THAP6: variants seen among roughly 807,000 people sequenced by gnomAD.
THAP6 encodes the protein THAP domain-containing protein 6.
THAP6 carries 13 observed loss-of-function variants against 20.0 expected under a neutral mutation model. That is an observed-to-expected ratio of 0.65 (90% CI 0.42 to 1.03). THAP6 has a LOEUF of 1.03. Ranked by LOEUF, THAP6 falls within the 50% of genes least tolerant of loss-of-function variation. The pLI, the probability that THAP6 is intolerant of heterozygous loss-of-function variation, is 0.00. For missense variants in THAP6, 262 were observed against 261.6 expected, an observed-to-expected ratio of 1.00 and a Z score of -0.01; for synonymous variants, 93 against 92.2, an observed-to-expected ratio of 1.01 and a Z score of -0.05.
At chr4:75,540,798 T>C (rs1224283418) in intron 2 of THAP6, among the ~76,000 whole-genome samples, 1 of 152,186 alleles carries the variant, frequency 6.6e-6, no homozygotes, top group Non-Finnish European at 1.5e-5. Context: ...TTTATAACGG[T>C]ATAAAATGTT....
chr4:75,538,418 T>C (rs1355741780), intron 2 of THAP6, among the ~76,000 whole-genome samples: 5 of 151,464 alleles, frequency 3.3e-5, no homozygotes, highest in East Asian at 1.9e-4. Flanking sequence ...AAGAATGTCA[T>C]TGGAGTGGGC....
intron 4 of THAP6, among the ~76,000 whole-genome samples, chr4:75,524,251 A>G (rs1726225432): frequency 6.6e-6 from 1 of 152,158 alleles, no homozygotes; most frequent in Non-Finnish European, 1.5e-5. Context: ...TCTTTGTGCT[A>G]TTGCTGTCAT....
At chr4:75,543,569 T>C (rs1727060719) in intron 3 of THAP6, among the ~76,000 whole-genome samples, 2 of 152,214 alleles carry the variant, frequency 1.3e-5, no homozygotes, top group Non-Finnish European at 2.9e-5. Context: ...TTGAGTCAAA[T>C]ACTCAACCCT....
chr4:75,531,357 G>A (rs1726674788), downstream of THAP6, among the ~76,000 whole-genome samples: 1 of 152,210 alleles, frequency 6.6e-6, no homozygotes, highest in South Asian at 2.1e-4. Context: ...TTACACTGAG[G>A]AAGGACTCAG....
At chr4:75,516,292 C>T (rs1044076226) in intron 2 of THAP6, among the ~76,000 whole-genome samples, 1 of 152,210 alleles carries the variant, frequency 6.6e-6, no homozygotes, top group Non-Finnish European at 1.5e-5. Flanking sequence ...CAGCTATTCT[C>T]TGCATTCATT....
rs1316178854 is a variant in THAP6 at position 75,514,499 on chromosome 4, G to C, written c.-42G>C. 5.7e-6 allele frequency: 3 copies of C among 530,776 alleles called. No individual in the cohort carries two copies. The highest frequency in any genetic ancestry group is 1.0e-5 in the Non-Finnish European group (3 of 295,874). The allele number at this position is 530,776 out of a possible 1,614,324, so 32.9% of individuals were successfully genotyped here. A position where few individuals can be genotyped will look rare whatever the true frequency, so the allele number is the denominator to read the frequency against. On this transcript the variant is annotated 5_prime_UTR_variant, in exon 1 of 5. Coordinates refer to ENST00000311638, the MANE Select transcript of THAP6 (RefSeq NM_144721.6). Reference sequence around the variant, plus strand: ...GACGCAGTCTCCGTCGTTGACGTTAGTCGCAGTCTTCGCTGCTAACGGTAA... The same window carrying C: ...GACGCAGTCTCCGTCGTTGACGTTACTCGCAGTCTTCGCTGCTAACGGTAA...
At chr4:75,516,020 ATGAAGGAGTAAG>A (rs1404392701) in intron 2 of THAP6, among the ~76,000 whole-genome samples, 1 of 152,254 alleles carries the variant, frequency 6.6e-6, no homozygotes, top group East Asian at 1.9e-4. Context: ...CTTGACAGCC[ATGAAGGAGTAAG>A]TGAAGGAGTA....
Position 75,528,217 on chromosome 4 carries a change from G to C in THAP6, c.*1003G>C. The C allele has an allele frequency of 6.1e-6, 6 of 985,374 alleles. No individual in the cohort carries two copies. The South Asian group carries it at 2.8e-4, about 46-fold the overall frequency. 61.0% of individuals were successfully genotyped at this position (985,374 alleles called of 1,614,324 possible). ...CAAAGGCTTTTATTTAGAGAAACGG[G>C]TAATTAAAACAGCAGCTTTAGAATA... On this transcript the variant is annotated 3_prime_UTR_variant, in exon 5 of 5. Coordinates refer to ENST00000311638, the MANE Select transcript of THAP6 (RefSeq NM_144721.6).
intron 2 of THAP6, chr4:75,539,829 C>T (rs961779782): frequency 6.5e-7 from 1 of 1,535,674 alleles, no homozygotes; most frequent in African/African-American, 1.4e-5. Context: ...TACTGTTTTT[C>T]TTTCTTCTTT....
chr4:75,515,375 A>G, intron 1 of THAP6, 58 bp from the exon 2 acceptor site: 4 of 1,494,214 alleles, frequency 2.7e-6, no homozygotes, highest in Non-Finnish European at 3.7e-6. Context: ...CGGGAAAGGG[A>G]AAATATTCCC....
chr4:75,535,203 A>G (rs950759172), intron 2 of THAP6, among the ~76,000 whole-genome samples: 3 of 152,248 alleles, frequency 2.0e-5, no homozygotes, highest in Non-Finnish European at 4.4e-5. Context: ...TGGTTCATTC[A>G]TCTCCAACTG....
Position 75,522,252 on chromosome 4 carries a change from C to T in THAP6, c.414+391C>T, listed in dbSNP as rs532880504. On this transcript the variant is annotated intron_variant, in intron 4 of 4. Transcript: ENST00000311638. Reference sequence around the variant, plus strand: ...ATTGCTTATTCATGTTAGAGGCAGGCATGGAATCTAGATCTCTTTTACTAT... The same window carrying T: ...ATTGCTTATTCATGTTAGAGGCAGGTATGGAATCTAGATCTCTTTTACTAT... The T allele has an allele frequency of 1.6e-5, 3 of 192,388 alleles. No individual in the cohort carries two copies. In the East Asian group the frequency reaches 3.6e-4, roughly 23 times the overall value. The allele number at this position is 192,388 out of a possible 1,614,324, so 11.9% of individuals were successfully genotyped here.
chr4:75,521,760 A>C lies in THAP6; in HGVS notation c.313A>C (p.Arg105=), dbSNP rs1328760026. Residue 105 remains arginine, a synonymous_variant, in exon 4 of 5, where the codon AGA becomes CGA. Coordinates refer to ENST00000311638, the MANE Select transcript of THAP6 (RefSeq NM_144721.6). ...LQGKREKLHC[R]KNFTLKTVPA... ...GGGGAAAAGAGAAAAACTTCATTGT[A>C]GAAAAAACTTCACCCTCAAAACCGT... is the stretch of plus-strand genomic sequence containing the variant. 1 of 1,612,396 alleles carries C rather than the reference A, an allele frequency of 6.2e-7. No homozygotes were observed. Among genetic ancestry groups the C allele is most frequent in the Non-Finnish European group, 8.5e-7 (1 of 1,179,024 alleles).
At chr4:75,514,432 C>T (rs943576341), upstream of THAP6, 1 of 894,498 alleles carries the variant, frequency 1.1e-6, no homozygotes, top group Non-Finnish European at 1.6e-6. Context: ...CCGGGGCAGA[C>T]GGATTTCCGG....
chr4:75,531,241 C>T (rs1726671193), downstream of THAP6, among the ~76,000 whole-genome samples: 1 of 152,162 alleles, frequency 6.6e-6, no homozygotes, highest in Non-Finnish European at 1.5e-5. Context: ...GCTGTATGAC[C>T]AGCCCCAAAT....
At chr4:75,532,737 T>G (rs1578278210), downstream of THAP6, among the ~76,000 whole-genome samples, 1 of 152,342 alleles carries the variant, frequency 6.6e-6, no homozygotes, top group Non-Finnish European at 1.5e-5. Flanking sequence ...CAACATCATA[T>G]GGAAGCTGCC....
In THAP6 at chr4:75,527,720, T is replaced by G. The variant is rs1411133066; in HGVS notation, c.*506T>G. ...CTATCAGTAGTACCAAAGGATCTTT[T>G]TACAAGGCTTCCTGTGGTATTGACT... On this transcript the variant is annotated 3_prime_UTR_variant, in exon 5 of 5. Coordinates refer to ENST00000311638, the MANE Select transcript of THAP6 (RefSeq NM_144721.6). The G allele has an allele frequency of 1.0e-6, 1 of 989,382 alleles. No homozygotes were observed. The highest frequency in any genetic ancestry group is 1.2e-6 in the Non-Finnish European group (1 of 832,374). The allele number at this position is 989,382 out of a possible 1,614,324, so 61.3% of individuals were successfully genotyped here. A position where few individuals can be genotyped will look rare whatever the true frequency, so the allele number is the denominator to read the frequency against.
chr4:75,528,127 C>G lies in THAP6; in HGVS notation c.*913C>G, dbSNP rs1262485638. The G allele has an allele frequency of 1.0e-6, 1 of 984,760 alleles. No individual in the cohort carries two copies. Among genetic ancestry groups the G allele is most frequent in the Non-Finnish European group, 1.2e-6 (1 of 829,546 alleles). The allele number at this position is 984,760 out of a possible 1,614,324, so 61.0% of individuals were successfully genotyped here. ...TTAGAAATTAATAACTGTGGCTCTTCCAGTTGAAATAGGAATTGGAGAGAA... is the reference window on the plus strand; with the variant it reads ...TTAGAAATTAATAACTGTGGCTCTTGCAGTTGAAATAGGAATTGGAGAGAA... On this transcript the variant is annotated 3_prime_UTR_variant, in exon 5 of 5. Coordinates refer to ENST00000311638, the MANE Select transcript of THAP6 (RefSeq NM_144721.6).
Position 75,529,730 on chromosome 4 carries a change from C to T in THAP6, c.*2516C>T, listed in dbSNP as rs1043912009. The stretch of plus-strand genomic sequence containing the variant: ...TAAGGGTTCCACTTTGCTTTAAAAG[C>T]TAGGAGTGGCCTCTAGAGCCAGGAA... On this transcript the variant is annotated 3_prime_UTR_variant, in exon 5 of 5. Transcript: ENST00000311638. 4 of 985,258 alleles carry T rather than the reference C, an allele frequency of 4.1e-6. No individual in the cohort carries two copies. The highest frequency in any genetic ancestry group is 1.2e-4 in the Admixed American group (2 of 16,254). The allele number at this position is 985,258 out of a possible 1,614,324, so 61.0% of individuals were successfully genotyped here. A position where few individuals can be genotyped will look rare whatever the true frequency, so the allele number is the denominator to read the frequency against.
Sources: gnomAD v4.1 joint callset for allele counts (sites outside exome capture counted in the v4.1 genomes callset) on GRCh38, gnomAD v4.1.1 for gene constraint, MANE v1.5 for transcripts, NCBI Gene and HGNC (gene_info 2026-07-23, HGNC 2026-07-21) for gene names.